GRID2: variants seen among roughly 807,000 people sequenced by gnomAD.
GRID2 encodes the protein glutamate ionotropic receptor delta type subunit 2.
A neutral mutation model predicts 114.8 loss-of-function variants in GRID2; 33 were observed. That is an observed-to-expected ratio of 0.29 (90% CI 0.22 to 0.38). The LOEUF (loss-of-function observed/expected upper bound fraction) is 0.38. GRID2 is among the 10% of genes least tolerant of loss of function. GRID2 has a pLI of 1.00. For synonymous variants in GRID2, 505 were observed against 449.9 expected, an observed-to-expected ratio of 1.12 and a Z score of -1.55; for missense variants, 1,184 against 1,257.7, an observed-to-expected ratio of 0.94 and a Z score of 0.89.
At chr4:92,774,491 A>G (rs911325758) in intron 2 of GRID2, among the ~76,000 whole-genome samples, 2 of 151,930 alleles carry the variant, frequency 1.3e-5, no homozygotes, top group Non-Finnish European at 2.9e-5. Flanking sequence ...ATGTTTATTG[A>G]GAATGAAATT....
intron 8 of GRID2, among the ~76,000 whole-genome samples, chr4:93,314,303 C>CAA (rs56977080): frequency 1.5e-3 from 83 of 54,132 alleles, no homozygotes; most frequent in Non-Finnish European, 1.9e-3. Flanking sequence ...GAGTCTGTCT[C>CAA]AAAAAAAAAA....
intron 2 of GRID2, among the ~76,000 whole-genome samples, chr4:92,654,753 A>G (rs564384947): frequency 1.3e-4 from 20 of 148,562 alleles, no homozygotes; most frequent in Admixed American, 1.3e-3. Context: ...ATGGAATTTT[A>G]AAAAAAAATT....
At chr4:93,797,198 C>G (rs1279473974) in intron 1 of GRID2, among the ~76,000 whole-genome samples, 2 of 152,188 alleles carry the variant, frequency 1.3e-5, no homozygotes, top group East Asian at 3.9e-4. Context: ...ACCAAAATGT[C>G]ATTATGTGAA....
At chr4:93,385,811 C>A (rs557054542) in intron 8 of GRID2, among the ~76,000 whole-genome samples, 1 of 151,924 alleles carries the variant, frequency 6.6e-6, no homozygotes, top group Non-Finnish European at 1.5e-5. Context: ...ATTTTCAGAT[C>A]GAGAAACTAA....
chr4:92,436,677 G>A (rs1732750989), intron 1 of GRID2, among the ~76,000 whole-genome samples: 1 of 151,988 alleles, frequency 6.6e-6, no homozygotes, highest in African/African-American at 2.4e-5. Flanking sequence ...TAGGTTGCTT[G>A]TGTGTGTGAA....
chr4:92,555,805 T>C (rs1401642064), intron 1 of GRID2, among the ~76,000 whole-genome samples: 5 of 152,116 alleles, frequency 3.3e-5, no homozygotes, highest in Non-Finnish European at 5.9e-5. Context: ...GTGAGGATTT[T>C]TCATTATTTT....
chr4:93,756,866 C>A (rs1732793879), intron 14 of GRID2, among the ~76,000 whole-genome samples: 3 of 152,168 alleles, frequency 2.0e-5, no homozygotes, highest in African/African-American at 7.2e-5. Context: ...GGATGAAATA[C>A]ATATTTTAAG....
chr4:92,764,680 A>T (rs899544742), intron 2 of GRID2, among the ~76,000 whole-genome samples: 1 of 152,198 alleles, frequency 6.6e-6, no homozygotes, highest in Non-Finnish European at 1.5e-5. Context: ...ATTAATGTTT[A>T]TCTCTCTTCT....
At chr4:92,917,511 T>C (rs1213826470) in intron 2 of GRID2, among the ~76,000 whole-genome samples, 2 of 152,218 alleles carry the variant, frequency 1.3e-5, no homozygotes, top group African/African-American at 4.8e-5. Flanking sequence ...GTTTAAGTCT[T>C]TAATCGATCT....
At chr4:92,307,214 T>G (rs2110103417) in intron 1 of GRID2, among the ~76,000 whole-genome samples, 1 of 152,208 alleles carries the variant, frequency 6.6e-6, no homozygotes, top group African/African-American at 2.4e-5. Context: ...CTTTAGGAGG[T>G]GTTGCCTTCA....
At chr4:92,959,105 T>C (rs1469185117) in intron 2 of GRID2, among the ~76,000 whole-genome samples, 1 of 149,792 alleles carries the variant, frequency 6.7e-6, no homozygotes, top group Non-Finnish European at 1.5e-5. Flanking sequence ...ATACAGATTT[T>C]ATTGATTTTT....
intron 2 of GRID2, among the ~76,000 whole-genome samples, chr4:92,779,268 G>A (rs1007208028): frequency 6.6e-6 from 1 of 151,152 alleles, no homozygotes; most frequent in African/African-American, 2.4e-5. Flanking sequence ...TTGGGGATTA[G>A]GTTACTTTTG....
At chr4:93,386,665 G>A (rs1247653675) in intron 8 of GRID2, among the ~76,000 whole-genome samples, 1 of 152,112 alleles carries the variant, frequency 6.6e-6, no homozygotes, top group Non-Finnish European at 1.5e-5. Flanking sequence ...GTACAGTTTT[G>A]GATAACTGTC....
chr4:92,351,182 G>T (rs1044801478), intron 1 of GRID2, among the ~76,000 whole-genome samples: 1 of 151,554 alleles, frequency 6.6e-6, no homozygotes, highest in Admixed American at 6.6e-5. Context: ...TTTCTCTTAG[G>T]TATATACCAA....
chr4:93,243,988 A>T (rs1475891025), intron 8 of GRID2, among the ~76,000 whole-genome samples: 1 of 152,090 alleles, frequency 6.6e-6, no homozygotes, highest in East Asian at 1.9e-4. Flanking sequence ...TAAAAAAAAA[A>T]TTAATTTGAG....
chr4:92,641,476 T>C (rs1334122269), intron 2 of GRID2, among the ~76,000 whole-genome samples: 2 of 151,366 alleles, frequency 1.3e-5, no homozygotes, highest in Non-Finnish European at 3.0e-5. Context: ...AAATAGACTT[T>C]ATGTATTTAA....
intron 1 of GRID2, among the ~76,000 whole-genome samples, chr4:92,561,560 A>G (rs867941055): frequency 5.9e-5 from 9 of 152,192 alleles, no homozygotes; most frequent in Non-Finnish European, 1.3e-4. Flanking sequence ...AGAGCAGGAT[A>G]TATGTTGTGT....
At chr4:93,761,742 A>C (rs1219853439) in intron 14 of GRID2, among the ~76,000 whole-genome samples, 1 of 152,198 alleles carries the variant, frequency 6.6e-6, no homozygotes, top group South Asian at 2.1e-4. Flanking sequence ...ATAGCTCCTA[A>C]TAGTTTCCCT....
intron 1 of GRID2, among the ~76,000 whole-genome samples, chr4:92,505,753 A>G (rs541566134): frequency 6.6e-6 from 1 of 152,160 alleles, no homozygotes; most frequent in South Asian, 2.1e-4. Flanking sequence ...CAGGCATTCT[A>G]AATTTTTGTT....
Sources: gnomAD v4.1 joint callset for allele counts (sites outside exome capture counted in the v4.1 genomes callset) on GRCh38, gnomAD v4.1.1 for gene constraint, MANE v1.5 for transcripts, NCBI Gene and HGNC (gene_info 2026-07-23, HGNC 2026-07-21) for gene names.